PKD1L1: variants seen among roughly 807,000 people sequenced by gnomAD.
PKD1L1 encodes polycystin 1 like 1, transient receptor potential channel interacting, also known as polycystin-1-like protein 1.
Under a neutral mutation model 323.4 loss-of-function variants are expected in PKD1L1, and 236 were observed. The observed-to-expected ratio is 0.73, with a 90% CI of 0.66 to 0.81. PKD1L1 has a LOEUF of 0.81. Ranked by LOEUF, PKD1L1 falls within the 40% of genes least tolerant of loss-of-function variation. The pLI, the probability that PKD1L1 is intolerant of heterozygous loss-of-function variation, is 0.00. For missense variants in PKD1L1, 3,320 were observed against 3,508.0 expected (o/e 0.95, Z 1.35); for synonymous variants, 1,344 against 1,335.0 (o/e 1.01, Z -0.15).
In PKD1L1 at chr7:47,876,245, T is replaced by C. The variant is rs749335648; in HGVS notation, c.3664-28A>G. Reference sequence around the variant, plus strand: ...ATGATCCAGTCCAAGGGAGCAAAAATAGTATAAATGAACACACTGTGAATG... The same window carrying C: ...ATGATCCAGTCCAAGGGAGCAAAAACAGTATAAATGAACACACTGTGAATG... On this transcript the variant is annotated intron_variant, in intron 22 of 56. Coordinates refer to ENST00000289672, the MANE Select transcript of PKD1L1 (RefSeq NM_138295.5). 6.2e-6 allele frequency: 10 copies of C among 1,610,870 alleles called. No homozygotes were observed. In the African/African-American group the frequency reaches 1.1e-4, roughly 17 times the overall value.
chr7:47,808,819 C>G (rs2084951), intron 51 of PKD1L1, among the ~76,000 whole-genome samples: 118,543 of 152,130 alleles, frequency 0.78, 46,253 homozygotes, highest in East Asian at 0.92. Flanking sequence ...GGGTGAGGCA[C>G]TGAGTGAGTG....
chr7:47,827,506 G>A, intron 44 of PKD1L1, 38 bp from the exon 45 acceptor site: 6 of 1,555,632 alleles, frequency 3.9e-6, no homozygotes, highest in Non-Finnish European at 5.2e-6. Context: ...GCGGGCTGGT[G>A]GGTGGAAGGA....
intron 13 of PKD1L1, among the ~76,000 whole-genome samples, chr7:47,899,145 T>G (rs1300947847): frequency 6.6e-6 from 1 of 152,200 alleles, no homozygotes; most frequent in Non-Finnish European, 1.5e-5. Context: ...ATTTTTAAAA[T>G]ATTAGCATTA....
chr7:47,905,986 A>T, intron 9 of PKD1L1, 24 bp from the exon 10 acceptor site: 1 of 1,557,880 alleles, frequency 6.4e-7, no homozygotes. Context: ...AAAAGGAGAT[A>T]AGAGAAAAAG....
intron 56 of PKD1L1, among the ~76,000 whole-genome samples, chr7:47,791,104 G>A (rs188425321): frequency 7.9e-5 from 12 of 152,082 alleles, no homozygotes; most frequent in Admixed American, 2.0e-4. Flanking sequence ...ATATATAGGT[G>A]TATATCTCTT....
rs1200189335 is a variant in PKD1L1, at chr7:47,853,208, G to A, written c.4879C>T (p.Pro1627Ser). 2 of 1,612,148 alleles carry A rather than the reference G, an allele frequency of 1.2e-6. No homozygotes were observed. The highest frequency in any genetic ancestry group is 1.7e-6 in the Non-Finnish European group (2 of 1,178,250). The change falls in exon 31 of 57, where the codon CCC becomes TCC. Residue 1627 changes from proline to serine, a missense_variant. Coordinates refer to ENST00000289672, the MANE Select transcript of PKD1L1 (RefSeq NM_138295.5). ...LLVRFSEKPTPSDFLVKQIYF... is the reference protein window; with the variant it reads ...LLVRFSEKPTSSDFLVKQIYF... ...ATCTGCTTCACAAGAAAATCAGAGG[G>A]AGTAGGTTTCTCAGAGAATCTAGGA...
chr7:47,955,867 C>T, the PKD1L1 span, among the ~76,000 whole-genome samples: 6 of 152,170 alleles, frequency 3.9e-5, no homozygotes, highest in Admixed American at 6.5e-5. Context: ...TTAATCTCAG[C>T]GTATTTCCAG....
At chr7:47,820,701 T>A (rs1485512379) in intron 46 of PKD1L1, among the ~76,000 whole-genome samples, 1 of 150,564 alleles carries the variant, frequency 6.6e-6, no homozygotes, top group African/African-American at 2.4e-5. Flanking sequence ...CACTCCAGCC[T>A]GGGTGACAAG....
At chr7:47,800,377 C>A (rs1003791338) in intron 54 of PKD1L1, among the ~76,000 whole-genome samples, 1 of 152,160 alleles carries the variant, frequency 6.6e-6, no homozygotes, top group African/African-American at 2.4e-5. Flanking sequence ...TGATTCAGTG[C>A]AGAGTGAGGG....
At position 47,948,466 on chromosome 7, in the gene PKD1L1, T is replaced by C; in HGVS notation, c.-26A>G. 17 of 1,613,544 alleles carry C rather than the reference T, an allele frequency of 1.1e-5. No homozygotes were observed. Among genetic ancestry groups the C allele is most frequent in the Non-Finnish European group, 1.4e-5 (17 of 1,179,660 alleles). ...GTCCTGTGCAAGCTGGTCACAAGTA[T>C]GACAGTCAGCAGACCAGCTTCTTCC... On this transcript the variant is annotated 5_prime_UTR_variant, in exon 1 of 57. Transcript: ENST00000289672.
At chr7:47,950,641 C>T (rs1252094918), upstream of PKD1L1, among the ~76,000 whole-genome samples, 3 of 151,520 alleles carry the variant, frequency 2.0e-5, no homozygotes, top group Non-Finnish European at 4.4e-5. Context: ...ACCGGGGAGG[C>T]AGAGGTTGTG....
chr7:47,806,956 GAC>G (rs1784791764), intron 52 of PKD1L1, among the ~76,000 whole-genome samples: 1 of 151,996 alleles, frequency 6.6e-6, no homozygotes, highest in Admixed American at 6.5e-5. Context: ...GTGCAAGCGG[GAC>G]ACACACAGAC....
intron 9 of PKD1L1, among the ~76,000 whole-genome samples, chr7:47,906,755 T>C (rs933940584): frequency 6.6e-6 from 1 of 152,178 alleles, no homozygotes; most frequent in African/African-American, 2.4e-5. Context: ...GAATGGGTAT[T>C]CTGTCCTTCA....
chr7:47,918,855 G>A (rs970242060), intron 7 of PKD1L1, among the ~76,000 whole-genome samples: 2 of 152,108 alleles, frequency 1.3e-5, no homozygotes, highest in Non-Finnish European at 2.9e-5. Context: ...AAACCTCTGG[G>A]ACACAGCAAA....
intron 26 of PKD1L1, among the ~76,000 whole-genome samples, chr7:47,861,107 C>A (rs180911472): frequency 6.6e-6 from 1 of 152,204 alleles, no homozygotes; most frequent in Admixed American, 6.5e-5. Flanking sequence ...GAGGGAGACA[C>A]CCACTGAACA....
intron 26 of PKD1L1, among the ~76,000 whole-genome samples, chr7:47,864,426 T>C (rs867798873): frequency 1.3e-5 from 2 of 151,814 alleles, no homozygotes; most frequent in Non-Finnish European, 2.9e-5. Context: ...AAAGAAGGTG[T>C]GACGAAGGAA....
chr7:47,848,547 C>T (rs150885199), intron 31 of PKD1L1, among the ~76,000 whole-genome samples: 6,169 of 152,278 alleles, frequency 0.041, 185 homozygotes, highest in Non-Finnish European at 0.061. Flanking sequence ...CAGTGGCTCA[C>T]GCCTGTAATC....
intron 39 of PKD1L1, 147 bp from the exon 40 acceptor site, chr7:47,834,532 A>G: frequency 2.7e-6 from 2 of 742,382 alleles, no homozygotes; most frequent in East Asian, 5.4e-5. Context: ...TTCTGAGAGG[A>G]TAAGGCTAGA....
At chr7:47,935,890 T>C (rs536766668) in intron 4 of PKD1L1, among the ~76,000 whole-genome samples, 1 of 152,384 alleles carries the variant, frequency 6.6e-6, no homozygotes, top group African/African-American at 2.4e-5. Context: ...TACCAGTCAC[T>C]GCCTTTGAAC....
Sources: allele counts gnomAD v4.1 joint callset (sites outside exome capture counted in the v4.1 genomes callset), GRCh38; gene constraint gnomAD v4.1.1; transcripts MANE v1.5; gene names NCBI Gene and HGNC (gene_info 2026-07-23, HGNC 2026-07-21).